Variants in SGCZ observed in about 807,000 individuals in gnomAD.
The protein encoded by SGCZ is zeta-sarcoglycan.
A neutral mutation model predicts 41.3 loss-of-function variants in SGCZ; 40 were observed. The observed-to-expected ratio is 0.97, with a 90% CI of 0.75 to 1.26. SGCZ has a LOEUF of 1.26. Ranked by LOEUF, SGCZ falls within the 50% of genes most tolerant of loss-of-function variation. SGCZ has a pLI of 0.00. For synonymous variants in SGCZ, 206 were observed against 137.5 expected (o/e 1.50, Z -3.49); for missense variants, 552 against 369.8 (o/e 1.49, Z -4.04).
chr8:14,240,535 T>C (rs972380600), intron 3 of SGCZ, among the ~76,000 whole-genome samples: 3 of 151,604 alleles, frequency 2.0e-5, no homozygotes, highest in Admixed American at 1.3e-4. Context: ...AAAATTTCAC[T>C]GTGATAGCAC....
intron 1 of SGCZ, among the ~76,000 whole-genome samples, chr8:15,107,134 T>C (rs1248066044): frequency 6.6e-6 from 1 of 152,194 alleles, no homozygotes; most frequent in Non-Finnish European, 1.5e-5. Context: ...TTTATAGGGA[T>C]TCATAATTGA....
intron 3 of SGCZ, among the ~76,000 whole-genome samples, chr8:14,246,319 C>G (rs531309060): frequency 2.6e-5 from 4 of 152,124 alleles, no homozygotes; most frequent in South Asian, 2.1e-4. Context: ...AACTGGAAAT[C>G]ATCATTCTCA....
At chr8:15,104,461 A>C (rs1806740403) in intron 1 of SGCZ, among the ~76,000 whole-genome samples, 1 of 152,240 alleles carries the variant, frequency 6.6e-6, no homozygotes, top group Non-Finnish European at 1.5e-5. Context: ...CTTTAAAAAA[A>C]CTAAAGTAAT....
At chr8:14,803,982 A>T (rs1801436299) in intron 1 of SGCZ, among the ~76,000 whole-genome samples, 1 of 122,614 alleles carries the variant, frequency 8.2e-6, no homozygotes, top group Non-Finnish European at 1.6e-5. Flanking sequence ...GACACCTCAC[A>T]CGGCAGGGTA....
At chr8:14,802,028 A>C (rs964846345) in intron 1 of SGCZ, among the ~76,000 whole-genome samples, 1 of 152,194 alleles carries the variant, frequency 6.6e-6, no homozygotes, top group Non-Finnish European at 1.5e-5. Flanking sequence ...ATTAGGAAAG[A>C]GAGTAATGTT....
chr8:14,620,039 A>G (rs1806231552), intron 1 of SGCZ, among the ~76,000 whole-genome samples: 1 of 152,212 alleles, frequency 6.6e-6, no homozygotes, highest in South Asian at 2.1e-4. Context: ...ACTTCAAACT[A>G]TACTACAAGG....
In SGCZ at chr8:14,260,340, G is replaced by A. The variant is rs540280843; in HGVS notation, c.337-22661C>T. On this transcript the variant is annotated intron_variant, in intron 3 of 7. Coordinates refer to ENST00000382080, the MANE Select transcript of SGCZ (RefSeq NM_139167.4). ...ACATTTATGCAGCCAAAAAACACAT[G>A]AAACAATGCTCATCATCACTGGCCA... Among the ~76,000 whole-genome samples, 14 of 150,712 alleles carry A rather than the reference G, an allele frequency of 9.3e-5. No individual in the cohort carries two copies. In the East Asian group the frequency reaches 2.7e-3, roughly 29 times the overall value.
chr8:14,314,420 T>G (rs1354021434), intron 3 of SGCZ, among the ~76,000 whole-genome samples: 2 of 152,122 alleles, frequency 1.3e-5, no homozygotes, highest in East Asian at 3.8e-4. Context: ...AAAAGATATT[T>G]GTAGAGTGTG....
chr8:14,236,705 G>C (rs1028635851), intron 4 of SGCZ, among the ~76,000 whole-genome samples: 1 of 151,290 alleles, frequency 6.6e-6, no homozygotes, highest in Non-Finnish European at 1.5e-5. Context: ...GAGATAAACA[G>C]ATATGTAATG....
chr8:14,136,590 G>C (rs1384298806), intron 5 of SGCZ, among the ~76,000 whole-genome samples: 1 of 152,174 alleles, frequency 6.6e-6, no homozygotes, highest in African/African-American at 2.4e-5. Context: ...TGGCAGCGAG[G>C]CTGGGGGAGG....
At chr8:14,270,124 G>C (rs1038872072) in intron 3 of SGCZ, among the ~76,000 whole-genome samples, 1 of 151,950 alleles carries the variant, frequency 6.6e-6, no homozygotes, top group Non-Finnish European at 1.5e-5. Flanking sequence ...CTGAGGTCAG[G>C]AGTTCAAGAC....
chr8:14,440,281 A>G (rs1800211146), intron 2 of SGCZ, among the ~76,000 whole-genome samples: 1 of 152,154 alleles, frequency 6.6e-6, no homozygotes, highest in African/African-American at 2.4e-5. Flanking sequence ...AAGTGCTTCA[A>G]CAAAATATTT....
rs1038543808 is a variant in SGCZ at position 14,510,503 on chromosome 8, C to A, written c.234+44229G>T. Among the ~76,000 whole-genome samples the A allele has an allele frequency of 2.0e-5, 3 of 151,812 alleles. No homozygotes were observed. In the South Asian group the frequency reaches 6.2e-4, roughly 31 times the overall value. ...AACAGATGTCACAGATTTTGATAAC[C>A]TTGATGATCTACTGGTAAGCTAATA... On this transcript the variant is annotated intron_variant, in intron 2 of 7. Coordinates refer to ENST00000382080, the MANE Select transcript of SGCZ (RefSeq NM_139167.4).
chr8:14,333,914 T>C (rs780575233), intron 2 of SGCZ, among the ~76,000 whole-genome samples: 18 of 152,124 alleles, frequency 1.2e-4, no homozygotes, highest in African/African-American at 2.7e-4. Context: ...AGGAAGTCTA[T>C]GTAAAGATTC....
chr8:14,678,819 A>T (rs1268053248), intron 1 of SGCZ, among the ~76,000 whole-genome samples: 2 of 152,242 alleles, frequency 1.3e-5, no homozygotes, highest in African/African-American at 4.8e-5. Context: ...ATACACTGGT[A>T]CACCCAGATG....
At chr8:14,386,842 A>C (rs1354527277) in intron 2 of SGCZ, among the ~76,000 whole-genome samples, 2 of 152,208 alleles carry the variant, frequency 1.3e-5, no homozygotes, top group African/African-American at 4.8e-5. Context: ...TTAATATTAA[A>C]ATTCTATAAT....
chr8:14,342,256 C>G (rs967695407), intron 2 of SGCZ, among the ~76,000 whole-genome samples: 2 of 152,176 alleles, frequency 1.3e-5, no homozygotes, highest in Admixed American at 1.3e-4. Flanking sequence ...TGCTCCTGCC[C>G]TAGAGATTTG....
At chr8:14,135,936 A>G (rs1002778152) in intron 5 of SGCZ, among the ~76,000 whole-genome samples, 1 of 152,196 alleles carries the variant, frequency 6.6e-6, no homozygotes, top group East Asian at 1.9e-4. Flanking sequence ...TACATATCTT[A>G]CAAAAAATAG....
At chr8:14,687,877 G>A (rs907054032) in intron 1 of SGCZ, among the ~76,000 whole-genome samples, 1 of 152,044 alleles carries the variant, frequency 6.6e-6, no homozygotes, top group Non-Finnish European at 1.5e-5. Flanking sequence ...ACTTTTTAAT[G>A]ATTGTCATTC....
Sources: gnomAD v4.1 joint callset for allele counts (sites outside exome capture counted in the v4.1 genomes callset) on GRCh38, gnomAD v4.1.1 for gene constraint, MANE v1.5 for transcripts, NCBI Gene and HGNC (gene_info 2026-07-23, HGNC 2026-07-21) for gene names.